The following RANBP2 variants were observed in gnomAD, a reference collection of about 807,000 sequenced individuals.
RANBP2 encodes the protein RAN binding protein 2, also known as E3 SUMO-protein ligase RanBP2.
In RANBP2, 57 loss-of-function variants were observed where a neutral mutation model predicts 303.6. The ratio of observed to expected loss-of-function variants is 0.19; its 90% CI spans 0.15 to 0.23. The LOEUF is 0.23. RANBP2 is among the 10% of genes least tolerant of loss of function. The pLI is 1.00. For synonymous variants in RANBP2, 1,167 were observed against 1,301.5 expected (o/e 0.90, Z 2.23); for missense variants, 3,138 against 3,780.8 (o/e 0.83, Z 4.46).
rs1440916003 is a variant in RANBP2, at chr2:108,736,220, T to A, written c.753T>A (p.Asp251Glu). The change falls in exon 6 of 29, where the codon GAT (aspartate) becomes GAA (glutamate). Residue 251 changes from aspartate (D) to glutamate (E), a missense_variant. By Grantham distance (45) the Asp-to-Glu change is conservative. Coordinates refer to ENST00000283195, the MANE Select transcript of RANBP2 (RefSeq NM_006267.5). ...TGCTTCTTACGCTTTCCACTAGAGA[T>A]GTGCAGGAAAGTAGAGAATTACTGC... ...NLMLLTLSTR[D>E]VQESRELLQS... 1.2e-6 allele frequency: 2 copies of A among 1,611,858 alleles called. No individual in the cohort carries two copies. The highest frequency in any genetic ancestry group is 4.5e-5 in the East Asian group (2 of 44,868).
chr2:109,509,051 TGGAA>T, the RANBP2 span, among the ~76,000 whole-genome samples: 3 of 152,106 alleles, frequency 2.0e-5, no homozygotes, highest in Admixed American at 6.5e-5. Flanking sequence ...CCGGGAGAAA[TGGAA>T]GGAAGTGCCC....
chr2:109,623,314 G>C, the RANBP2 span, among the ~76,000 whole-genome samples: 1 of 152,146 alleles, frequency 6.6e-6, no homozygotes, highest in African/African-American at 2.4e-5. Context: ...CTGTGCCCCT[G>C]CATGTCCCTC....
the RANBP2 span, among the ~76,000 whole-genome samples, chr2:109,597,145 T>C: frequency 6.6e-6 from 1 of 152,136 alleles, no homozygotes; most frequent in South Asian, 2.1e-4. Context: ...CTCACTCTGT[T>C]GCCCAGGCTG....
the RANBP2 span, among the ~76,000 whole-genome samples, chr2:109,652,009 A>T: frequency 2.0e-5 from 3 of 152,216 alleles, no homozygotes; most frequent in Non-Finnish European, 4.4e-5. Flanking sequence ...ACCTGCAGTG[A>T]CAGGGGCCAA....
the RANBP2 span, among the ~76,000 whole-genome samples, chr2:109,206,176 A>T: frequency 2.6e-5 from 4 of 152,058 alleles, no homozygotes; most frequent in Non-Finnish European, 4.4e-5. Flanking sequence ...ACAGCACTAT[A>T]TTTTTAACTA....
chr2:108,872,324 T>C, the RANBP2 span, among the ~76,000 whole-genome samples: 2 of 152,110 alleles, frequency 1.3e-5, no homozygotes, highest in Admixed American at 1.3e-4. Flanking sequence ...TACCCCAAAA[T>C]TCTTAACTCG....
chr2:109,002,631 G>A, the RANBP2 span, among the ~76,000 whole-genome samples: 1 of 152,128 alleles, frequency 6.6e-6, no homozygotes, highest in Non-Finnish European at 1.5e-5. Context: ...GGTTCCCTCT[G>A]CTCCCCGGCC....
chr2:109,481,597 G>A, the RANBP2 span, among the ~76,000 whole-genome samples: 3 of 152,168 alleles, frequency 2.0e-5, no homozygotes, highest in Non-Finnish European at 2.9e-5. Context: ...ATAGCTAAAC[G>A]TGCGCTTCAT....
chr2:109,024,976 C>G, the RANBP2 span, among the ~76,000 whole-genome samples: 3 of 152,134 alleles, frequency 2.0e-5, no homozygotes, highest in Non-Finnish European at 4.4e-5. Context: ...TTTCATCACC[C>G]CAGATGGAAC....
intron 9 of RANBP2, 101 bp from the exon 10 acceptor site, chr2:108,751,163 T>C: frequency 2.0e-6 from 3 of 1,531,604 alleles, no homozygotes; most frequent in Admixed American, 3.9e-5. Flanking sequence ...AAAGCAGTTA[T>C]ATAATTAAGA....
the RANBP2 span, among the ~76,000 whole-genome samples, chr2:108,934,131 T>C: frequency 1.3e-5 from 2 of 152,132 alleles, no homozygotes; most frequent in African/African-American, 4.8e-5. Flanking sequence ...CGTTCCCAGG[T>C]AAACCCAAGC....
the RANBP2 span, among the ~76,000 whole-genome samples, chr2:109,332,146 G>A: frequency 6.6e-6 from 1 of 152,172 alleles, no homozygotes; most frequent in African/African-American, 2.4e-5. Context: ...CACCAGAGAG[G>A]CGCTTTACCC....
chr2:108,779,189 G>A (rs1011545224), intron 25 of RANBP2, among the ~76,000 whole-genome samples: 2 of 146,818 alleles, frequency 1.4e-5, no homozygotes, highest in South Asian at 2.2e-4. Flanking sequence ...TTTTTGAGAC[G>A]ATCATTCTGT....
the RANBP2 span, among the ~76,000 whole-genome samples, chr2:109,404,954 G>A: frequency 7.3e-5 from 11 of 151,716 alleles, no homozygotes; most frequent in South Asian, 2.3e-3. Flanking sequence ...GTGGAGCCCC[G>A]TCCTGGCCCC....
rs1678498859 is a variant in RANBP2, at chr2:108,784,841, A to G, written c.*940A>G. 7.5e-6 allele frequency: 1 copy of G among 133,430 alleles called. No individual in the cohort carries two copies. The allele number at this position is 133,430 out of a possible 1,614,324, so 8.3% of individuals were successfully genotyped here. A position where few individuals can be genotyped will look rare whatever the true frequency, so the allele number is the denominator to read the frequency against. ...TACTTACGCTTCGGGTTCATTCTAAAGTAAGGAAGACAATTTAAAGGCAGT... is the reference window on the plus strand; with the variant it reads ...TACTTACGCTTCGGGTTCATTCTAAGGTAAGGAAGACAATTTAAAGGCAGT... On this transcript the variant is annotated 3_prime_UTR_variant, in exon 29 of 29. Coordinates refer to ENST00000283195, the MANE Select transcript of RANBP2 (RefSeq NM_006267.5).
At chr2:108,945,211 G>A in the RANBP2 span, among the ~76,000 whole-genome samples, 4 of 152,162 alleles carry the variant, frequency 2.6e-5, no homozygotes, top group Non-Finnish European at 4.4e-5. Flanking sequence ...CGAGCTCCCC[G>A]TCCTGGGGCA....
At chr2:109,333,943 G>A in the RANBP2 span, among the ~76,000 whole-genome samples, 1 of 152,160 alleles carries the variant, frequency 6.6e-6, no homozygotes, top group Admixed American at 6.5e-5. Flanking sequence ...TAATAATGAG[G>A]ACATGCTCAG....
chr2:109,054,210 C>T, the RANBP2 span, among the ~76,000 whole-genome samples: 1 of 152,170 alleles, frequency 6.6e-6, no homozygotes, highest in Non-Finnish European at 1.5e-5. Flanking sequence ...AACAGACCTC[C>T]CTGGAGCCCC....
the RANBP2 span, among the ~76,000 whole-genome samples, chr2:109,309,459 C>G: frequency 2.3e-5 from 3 of 129,784 alleles, no homozygotes; most frequent in East Asian, 6.2e-4. Flanking sequence ...AGCAAAATCA[C>G]TAGCTAACAT....
Sources: allele counts gnomAD v4.1 joint callset (sites outside exome capture counted in the v4.1 genomes callset), GRCh38; gene constraint gnomAD v4.1.1; transcripts MANE v1.5; gene names NCBI Gene and HGNC (gene_info 2026-07-23, HGNC 2026-07-21).